Variants in DNAH14 observed in about 807,000 individuals in gnomAD.
The protein encoded by DNAH14 is axonemal beta dynein heavy chain 14.
Under a neutral mutation model 520.9 loss-of-function variants are expected in DNAH14, and 478 were observed. That is an observed-to-expected ratio of 0.92 (90% CI 0.85 to 0.99). The LOEUF (loss-of-function observed/expected upper bound fraction) is 0.99. DNAH14 is among the 50% of genes least tolerant of loss of function. DNAH14 has a pLI of 0.00. For missense variants in DNAH14, 4,831 were observed against 5,234.5 expected (o/e 0.92, Z 2.38); for synonymous variants, 1,581 against 1,757.2 (o/e 0.90, Z 2.51).
rs536537247 is a variant in DNAH14 at position 225,392,479 on chromosome 1, C to T, written c.13491+28C>T. 48 of 1,549,498 alleles carry T rather than the reference C, an allele frequency of 3.1e-5. No individual in the cohort carries two copies. In the Middle Eastern group the frequency reaches 5.0e-4, roughly 16 times the overall value. On this transcript the variant is annotated intron_variant, in intron 84 of 85. Transcript: ENST00000682510. ...ACTGGAATACTTCAAGGATTAGAAA[C>T]GGTGATCATTCATTCATTCATTTAT...
At chr1:225,230,315 C>T (rs1458234594) in intron 41 of DNAH14, among the ~76,000 whole-genome samples, 2 of 152,088 alleles carry the variant, frequency 1.3e-5, no homozygotes, top group Admixed American at 6.5e-5. Flanking sequence ...CAGCACTCAA[C>T]TCTGTTTTTA....
rs1160125283 is a variant in DNAH14 at position 225,380,269 on chromosome 1, T to G, written c.12827T>G (p.Leu4276Trp). Residue 4276 changes from leucine (L) to tryptophan (W), a missense_variant, in exon 80 of 86, where the codon TTG becomes TGG. Leu to Trp is a moderately conservative substitution (Grantham distance 61). Coordinates refer to ENST00000682510, the MANE Select transcript of DNAH14 (RefSeq NM_001367479.1). ...ATTGCTGTTGGAACTCCAAGCACAT[T>G]GAAGAGCATGATGTCAAGCTCCATT... is the stretch of plus-strand genomic sequence containing the variant. ...EEIAVGTPST[L>W]KSMMSSSIWE... 1.3e-6 allele frequency: 2 copies of G among 1,551,688 alleles called. No homozygotes were observed. The highest frequency in any genetic ancestry group is 2.4e-5 in the South Asian group (2 of 84,058).
intron 41 of DNAH14, among the ~76,000 whole-genome samples, chr1:225,212,387 G>C (rs558410046): frequency 1.3e-5 from 2 of 152,204 alleles, no homozygotes; most frequent in East Asian, 3.9e-4. Context: ...TGTCTTTATA[G>C]CAACATGATT....
At chr1:225,041,847 T>A (rs1327772487) in intron 12 of DNAH14, among the ~76,000 whole-genome samples, 1 of 152,240 alleles carries the variant, frequency 6.6e-6, no homozygotes, top group Non-Finnish European at 1.5e-5. Flanking sequence ...ATTATATATT[T>A]ATTAAGAATT....
At chr1:225,057,248 A>C (rs1466746882) in intron 17 of DNAH14, among the ~76,000 whole-genome samples, 1 of 152,196 alleles carries the variant, frequency 6.6e-6, no homozygotes, top group Non-Finnish European at 1.5e-5. Context: ...GGTCCTTCAC[A>C]TCCCTTGTAA....
intron 9 of DNAH14, among the ~76,000 whole-genome samples, chr1:225,005,445 G>A (rs12567499): frequency 0.055 from 8,372 of 152,168 alleles, 473 homozygotes; most frequent in East Asian, 0.24. Flanking sequence ...ATTGGTAGTG[G>A]AGAGATACTT....
intron 55 of DNAH14, among the ~76,000 whole-genome samples, chr1:225,300,230 T>A (rs2094112434): frequency 6.6e-6 from 1 of 152,212 alleles, no homozygotes; most frequent in African/African-American, 2.4e-5. Flanking sequence ...AGGGCTTCTG[T>A]GAACTGCCTG....
At position 225,163,301 on chromosome 1, in the gene DNAH14, A is replaced by C. The variant is rs534236084; in HGVS notation, c.5445+3816A>C. Among the ~76,000 whole-genome samples, 5 of 152,270 alleles carry C rather than the reference A, an allele frequency of 3.3e-5. No individual in the cohort carries two copies. The South Asian group carries it at 6.2e-4, about 19-fold the overall frequency. On this transcript the variant is annotated intron_variant, in intron 35 of 85. Transcript: ENST00000682510. Reference sequence around the variant, plus strand: ...CCAAATATAAGATCATATCATCTGCAAGCAATGATAATTTGACTTCTTCCT... The same window carrying C: ...CCAAATATAAGATCATATCATCTGCCAGCAATGATAATTTGACTTCTTCCT...
At chr1:225,012,832 T>A (rs2064901056) in intron 10 of DNAH14, among the ~76,000 whole-genome samples, 1 of 152,212 alleles carries the variant, frequency 6.6e-6, no homozygotes, top group Non-Finnish European at 1.5e-5. Flanking sequence ...TGTTCTTCTG[T>A]AAACTGGTTA....
intron 52 of DNAH14, among the ~76,000 whole-genome samples, chr1:225,274,197 A>ATTTTTTTTTTT (rs869247051): frequency 7.5e-5 from 7 of 92,882 alleles, no homozygotes; most frequent in African/African-American, 1.2e-4. Flanking sequence ...AGCATCTGTT[A>ATTTTTTTTTTT]TTTTTTTTTT....
intron 10 of DNAH14, among the ~76,000 whole-genome samples, chr1:225,008,575 C>CTTTT (rs57331050): frequency 4.5e-4 from 44 of 98,286 alleles, no homozygotes; most frequent in African/African-American, 8.7e-4. Context: ...TTTTTCCTGA[C>CTTTT]TTTTTTTTTT....
intron 6 of DNAH14, among the ~76,000 whole-genome samples, chr1:224,968,387 AGAT>A (rs972738958): frequency 5.9e-5 from 9 of 152,258 alleles, no homozygotes; most frequent in Non-Finnish European, 1.3e-4. Context: ...TGAGATTATA[AGAT>A]TATACACACA....
At chr1:225,193,159 G>A (rs1055491260) in intron 38 of DNAH14, among the ~76,000 whole-genome samples, 5 of 152,108 alleles carry the variant, frequency 3.3e-5, no homozygotes, top group South Asian at 4.1e-4. Context: ...GGAGCACAAA[G>A]TGAATTAAGT....
chr1:225,201,018 T>G (rs764283208), intron 38 of DNAH14, among the ~76,000 whole-genome samples: 8 of 151,850 alleles, frequency 5.3e-5, no homozygotes, highest in Non-Finnish European at 1.0e-4. Context: ...TCATTTAACA[T>G]AATCCCAGAC....
rs972870669 is a variant in DNAH14, at chr1:225,004,618, G to A, written c.975+1691G>A. Among the ~76,000 whole-genome samples, 7 of 152,182 alleles carry A rather than the reference G, an allele frequency of 4.6e-5. 1 individual carries two copies. Among genetic ancestry groups the A allele is most frequent in the Admixed American group, 4.6e-4 (7 of 15,252 alleles). On this transcript the variant is annotated intron_variant, in intron 9 of 85. Transcript: ENST00000682510. ...CCATAGGGCAGGGGCACTCCTAGTG[G>A]TGATTGTTATGAGGGCAATTTACAA...
At chr1:225,336,074 CTT>C (rs1347264641) in intron 66 of DNAH14, among the ~76,000 whole-genome samples, 3 of 137,466 alleles carry the variant, frequency 2.2e-5, no homozygotes, top group Non-Finnish European at 3.1e-5. Flanking sequence ...TACATACATA[CTT>C]ATATATACAT....
At chr1:225,022,767 G>T (rs140971156) in intron 10 of DNAH14, among the ~76,000 whole-genome samples, 2,310 of 152,166 alleles carry the variant, frequency 0.015, 47 homozygotes, top group East Asian at 0.053. Flanking sequence ...AAAATAAATT[G>T]TTCTACCAAA....
chr1:225,210,051 T>C (rs1184584308), intron 41 of DNAH14, among the ~76,000 whole-genome samples: 2 of 151,504 alleles, frequency 1.3e-5, no homozygotes, highest in African/African-American at 4.9e-5. Flanking sequence ...GGGCCTTGGG[T>C]TTCAAGCACG....
Position 224,964,729 on chromosome 1 carries a change from A to G in DNAH14, c.498+120A>G, listed in dbSNP as rs61329501. 18,363 of 914,986 alleles carry G rather than the reference A, an allele frequency of 0.02. 2,134 individuals are homozygous for G. In the African/African-American group the frequency reaches 0.26, roughly 13 times the overall value. The allele number at this position is 914,986 out of a possible 1,614,324, so 56.7% of individuals were successfully genotyped here. Reference sequence around the variant, plus strand: ...AACATTACATTAATATCAAGTTACAATTATTTCATGGTAAATGCAAAAGTA... The same window carrying G: ...AACATTACATTAATATCAAGTTACAGTTATTTCATGGTAAATGCAAAAGTA... On this transcript the variant is annotated intron_variant, in intron 5 of 85. Coordinates refer to ENST00000682510, the MANE Select transcript of DNAH14 (RefSeq NM_001367479.1).
Sources: gnomAD v4.1 joint callset for allele counts (sites outside exome capture counted in the v4.1 genomes callset) on GRCh38, gnomAD v4.1.1 for gene constraint, MANE v1.5 for transcripts, NCBI Gene and HGNC (gene_info 2026-07-23, HGNC 2026-07-21) for gene names.